LRPPRC: variants seen among roughly 807,000 people sequenced by gnomAD.
LRPPRC encodes the protein leucine-rich PPR motif-containing protein, mitochondrial.
In LRPPRC, 120 loss-of-function variants were observed where a neutral mutation model predicts 180.3. That is an observed-to-expected ratio of 0.67 (90% CI 0.57 to 0.77). The LOEUF is 0.77. LRPPRC is among the 30% of genes least tolerant of loss of function. The pLI is 0.00. For missense variants in LRPPRC, 2,012 were observed against 1,657.2 expected (o/e 1.21, Z -3.72); for synonymous variants, 723 against 600.0 (o/e 1.21, Z -3.00).
At chr2:43,938,906 T>G (rs946306304) in intron 23 of LRPPRC, among the ~76,000 whole-genome samples, 18 of 152,178 alleles carry the variant, frequency 1.2e-4, no homozygotes, top group African/African-American at 4.1e-4. Flanking sequence ...TATTTATCTA[T>G]TAGTAGCTTT....
At chr2:43,897,244 C>T (rs1670718616) in intron 34 of LRPPRC, among the ~76,000 whole-genome samples, 1 of 152,072 alleles carries the variant, frequency 6.6e-6, no homozygotes, top group South Asian at 2.1e-4. Flanking sequence ...CTGCAACAGA[C>T]AGCCAGCGCT....
Position 43,925,109 on chromosome 2 carries a change from A to G in LRPPRC, c.2854T>C (p.Cys952Arg). 1 of 1,604,406 alleles carries G rather than the reference A, an allele frequency of 6.2e-7. No individual in the cohort carries two copies. Among genetic ancestry groups the G allele is most frequent in the Non-Finnish European group, 8.5e-7 (1 of 1,171,228 alleles). Residue 952 changes from cysteine (C) to arginine (R), a missense_variant, in exon 27 of 38, where the codon TGT (cysteine) becomes CGT (arginine). By Grantham distance (180) the Cys-to-Arg change is radical. Transcript: ENST00000260665. Reference protein sequence around the residue: ...LVELTQKLFECDRDQMYYNLL... With the variant: ...LVELTQKLFERDRDQMYYNLL... ...TTGTAGTACATCTGGTCTCTATCAC[A>G]TTCAAATAGCTTCTGTGTCAGCTCC...
chr2:43,955,134 C>A (rs1288305590), intron 14 of LRPPRC, among the ~76,000 whole-genome samples: 1 of 151,856 alleles, frequency 6.6e-6, no homozygotes, highest in Non-Finnish European at 1.5e-5. Flanking sequence ...AAAGATGAGC[C>A]ATAGCTTCCA....
At chr2:43,892,111 A>C (rs1415180604) in intron 36 of LRPPRC, among the ~76,000 whole-genome samples, 2 of 152,246 alleles carry the variant, frequency 1.3e-5, no homozygotes, top group South Asian at 4.1e-4. Context: ...CGAAAGTCCA[A>C]GGTGAAGCAG....
At chr2:43,917,231 G>C (rs1373324417) in intron 29 of LRPPRC, among the ~76,000 whole-genome samples, 1 of 151,600 alleles carries the variant, frequency 6.6e-6, no homozygotes, top group African/African-American at 2.4e-5. Flanking sequence ...AGTAGAGATG[G>C]AGTTTCACCA....
intron 29 of LRPPRC, among the ~76,000 whole-genome samples, chr2:43,916,286 A>G (rs1437017640): frequency 6.6e-6 from 1 of 152,234 alleles, no homozygotes; most frequent in Non-Finnish European, 1.5e-5. Flanking sequence ...AGTAAAGAAA[A>G]TAAGAGTAAT....
chr2:43,983,552 A>G (rs1335876545), intron 1 of LRPPRC, among the ~76,000 whole-genome samples: 1 of 152,176 alleles, frequency 6.6e-6, no homozygotes, highest in Non-Finnish European at 1.5e-5. Flanking sequence ...TTTAAACATC[A>G]CTTTTAACAA....
At chr2:43,983,137 T>C (rs1674385178) in intron 1 of LRPPRC, among the ~76,000 whole-genome samples, 1 of 152,218 alleles carries the variant, frequency 6.6e-6, no homozygotes, top group Admixed American at 6.5e-5. Flanking sequence ...GAAGCCAGAA[T>C]GGAAAGAAAA....
At chr2:43,939,489 T>TA (rs1572944763) in intron 23 of LRPPRC, among the ~76,000 whole-genome samples, 1 of 151,852 alleles carries the variant, frequency 6.6e-6, no homozygotes, top group East Asian at 1.9e-4. Flanking sequence ...GAAAAAAGTT[T>TA]AAAAAAGAAA....
intron 8 of LRPPRC, 44 bp from the exon 9 acceptor site, chr2:43,974,339 T>C (rs1385532898): frequency 1.4e-6 from 2 of 1,428,298 alleles, no homozygotes; most frequent in Admixed American, 1.7e-5. Flanking sequence ...AACTGAACAA[T>C]ATTTTTACAC....
chr2:43,992,805 A>G (rs1674844459), intron 1 of LRPPRC, among the ~76,000 whole-genome samples: 2 of 152,160 alleles, frequency 1.3e-5, no homozygotes, highest in Non-Finnish European at 2.9e-5. Flanking sequence ...ATGAAAGAAG[A>G]AGGAGGGGTC....
At chr2:43,955,711 C>G (rs1559006148) in intron 14 of LRPPRC, among the ~76,000 whole-genome samples, 1 of 151,722 alleles carries the variant, frequency 6.6e-6, no homozygotes, top group African/African-American at 2.4e-5. Flanking sequence ...GCACTCTGGC[C>G]TTGGGGACAG....
chr2:43,947,852 TGTAA>T (rs1672748085), intron 18 of LRPPRC, 77 bp from the exon 19 acceptor site: 3 of 941,956 alleles, frequency 3.2e-6, no homozygotes, highest in African/African-American at 3.2e-5. Flanking sequence ...AAAGCAAATT[TGTAA>T]GTCTCACCTC....
chr2:43,923,566 G>C (rs957726960), intron 27 of LRPPRC, among the ~76,000 whole-genome samples: 2 of 152,188 alleles, frequency 1.3e-5, no homozygotes, highest in South Asian at 4.1e-4. Flanking sequence ...CCTGGCCTTA[G>C]ACTACCACAT....
At chr2:43,895,819 C>T (rs78635230) in intron 35 of LRPPRC, among the ~76,000 whole-genome samples, 2 of 152,006 alleles carry the variant, frequency 1.3e-5, no homozygotes, top group Admixed American at 6.5e-5. Context: ...TGTAGTTTCT[C>T]GTATACAAGA....
chr2:43,933,174 A>T lies in LRPPRC; in HGVS notation c.2736+1016T>A, dbSNP rs370970356. ...TGCTGACAAGTGGGCAGATTGAGTC[A>T]TAAAATGGAAAGAGAAGAAAGTTCT... On this transcript the variant is annotated intron_variant, in intron 25 of 37. Coordinates refer to ENST00000260665, the MANE Select transcript of LRPPRC (RefSeq NM_133259.4). Among the ~76,000 whole-genome samples the T allele has an allele frequency of 1.7e-4, 26 of 152,228 alleles. No homozygotes were observed. The East Asian group carries it at 3.1e-3, about 18-fold the overall frequency.
At chr2:43,986,174 A>G (rs1410255270) in intron 1 of LRPPRC, among the ~76,000 whole-genome samples, 1 of 152,152 alleles carries the variant, frequency 6.6e-6, no homozygotes, top group Non-Finnish European at 1.5e-5. Flanking sequence ...TCTGTCACCC[A>G]GACTGGAGTA....
At chr2:43,924,501 T>C (rs1400262471) in intron 27 of LRPPRC, among the ~76,000 whole-genome samples, 1 of 152,174 alleles carries the variant, frequency 6.6e-6, no homozygotes, top group Non-Finnish European at 1.5e-5. Context: ...AACCCAGTAA[T>C]AGGAGATGAT....
chr2:43,919,720 G>A (rs951271552), intron 27 of LRPPRC, among the ~76,000 whole-genome samples: 3 of 151,940 alleles, frequency 2.0e-5, no homozygotes, highest in African/African-American at 7.3e-5. Flanking sequence ...GTGAAAAACT[G>A]GGGCAAGATA....
Sources: gnomAD v4.1 joint callset for allele counts (sites outside exome capture counted in the v4.1 genomes callset) on GRCh38, gnomAD v4.1.1 for gene constraint, MANE v1.5 for transcripts, NCBI Gene and HGNC (gene_info 2026-07-23, HGNC 2026-07-21) for gene names.